CHDH: variants seen among roughly 807,000 people sequenced by gnomAD.
The protein encoded by CHDH is choline dehydrogenase.
CHDH carries 43 observed loss-of-function variants against 56.9 expected under a neutral mutation model. The observed-to-expected ratio is 0.76, with a 90% confidence interval of 0.59 to 0.97. The LOEUF (loss-of-function observed/expected upper bound fraction) is 0.97, where lower values mean the gene tolerates loss of function less well. Ranked by LOEUF, CHDH falls within the 50% of genes least tolerant of loss-of-function variation. CHDH has a pLI of 0.00. For missense variants in CHDH, 816 were observed against 821.1 expected, an observed-to-expected ratio of 0.99 and a Z score of 0.08; for synonymous variants, 364 against 348.5, an observed-to-expected ratio of 1.04 and a Z score of -0.50.
chr3:53,837,874 A>T (rs375159078), intron 2 of CHDH, among the ~76,000 whole-genome samples: 1 of 152,004 alleles, frequency 6.6e-6, no homozygotes, highest in Non-Finnish European at 1.5e-5. Flanking sequence ...CCTGGCCAAC[A>T]TGGCAAAACC....
intron 2 of CHDH, among the ~76,000 whole-genome samples, chr3:53,832,510 C>T (rs138971402): frequency 0.018 from 2,715 of 151,436 alleles, 107 homozygotes; most frequent in African/African-American, 0.064. Flanking sequence ...CCAGCCTGGG[C>T]GACAGAGCGA....
In CHDH at chr3:53,819,502, T is replaced by A; in HGVS notation, c.1263+30A>T. 2.5e-6 allele frequency: 4 copies of A among 1,580,422 alleles called. No homozygotes were observed. Among genetic ancestry groups the A allele is most frequent in the Non-Finnish European group, 1.7e-6 (2 of 1,163,588 alleles). Reference sequence around the variant, plus strand: ...CCTTCCTGGTGGGAAGGAGACATCCTGGGAAGCCGAGGCTCTTCCACCTGC... The same window carrying A: ...CCTTCCTGGTGGGAAGGAGACATCCAGGGAAGCCGAGGCTCTTCCACCTGC... On this transcript the variant is annotated intron_variant, in intron 7 of 8. Coordinates refer to ENST00000315251, the MANE Select transcript of CHDH (RefSeq NM_018397.5). This position sits in a 1 kb window ranked among gnomAD's most constrained non-coding sequence, Gnocchi z 5.4.
intron 2 of CHDH, among the ~76,000 whole-genome samples, chr3:53,838,996 T>C (rs1698591163): frequency 6.6e-6 from 1 of 152,102 alleles, no homozygotes; most frequent in African/African-American, 2.4e-5. Flanking sequence ...CTGCTACTAG[T>C]GCTGCCTCCT....
At chr3:53,842,015 G>A (rs1252951777) in intron 1 of CHDH, among the ~76,000 whole-genome samples, 1 of 151,738 alleles carries the variant, frequency 6.6e-6, no homozygotes, top group Non-Finnish European at 1.5e-5. Context: ...AATTAGTCAG[G>A]CATGGTGGTG....
intron 2 of CHDH, among the ~76,000 whole-genome samples, chr3:53,830,370 G>T (rs1211498215): frequency 6.6e-6 from 1 of 150,732 alleles, no homozygotes; most frequent in Admixed American, 6.6e-5. Context: ...CACACAAAAA[G>T]AATATTATAA....
rs1490222354 is a variant in CHDH, at chr3:53,812,761, C to CT, written c.*5015dup. The CT allele has an allele frequency of 6.6e-6, 1 of 152,224 alleles. No individual in the cohort carries two copies. The highest frequency in any genetic ancestry group is 6.5e-5 in the Admixed American group (1 of 15,284). The allele number at this position is 152,224 out of a possible 1,614,324, so 9.4% of individuals were successfully genotyped here. A position where few individuals can be genotyped will look rare whatever the true frequency, so the allele number is the denominator to read the frequency against. On this transcript the variant is annotated 3_prime_UTR_variant, in exon 9 of 9. Coordinates refer to ENST00000315251, the MANE Select transcript of CHDH (RefSeq NM_018397.5). Reference sequence around the variant, plus strand: ...TCTTGTCCTCTGGGGACTGGTGGTGCTGCTTAAGAAATAAGGGGTGCTGGG... The same window carrying CT: ...TCTTGTCCTCTGGGGACTGGTGGTGCTTGCTTAAGAAATAAGGGGTGCTGGG...
intron 4 of CHDH, 146 bp from the exon 5 acceptor site, chr3:53,821,922 A>C: frequency 1.9e-6 from 2 of 1,048,028 alleles, no homozygotes; most frequent in Admixed American, 2.7e-5. Context: ...CCCAGAGCTA[A>C]GGAGAGGAAA....
In CHDH at chr3:53,823,058, G is replaced by C. The variant is rs544682144; in HGVS notation, c.703+248C>G. ...TCTCTGTCCAGAGAGCTGATTCTCT[G>C]TTATCCACACCAACAGGGGCCAGAG... On this transcript the variant is annotated intron_variant, in intron 3 of 8. Coordinates refer to ENST00000315251, the MANE Select transcript of CHDH (RefSeq NM_018397.5). Among the ~76,000 whole-genome samples the C allele has an allele frequency of 1.6e-4, 24 of 152,270 alleles. No individual in the cohort carries two copies. The East Asian group carries it at 4.5e-3, about 28-fold the overall frequency.
In CHDH at chr3:53,824,004, C is replaced by G; in HGVS notation, c.5G>C (p.Trp2Ser). 12 of 1,476,030 alleles carry G rather than the reference C, an allele frequency of 8.1e-6. No homozygotes were observed. The highest frequency in any genetic ancestry group is 1.1e-5 in the Non-Finnish European group (12 of 1,123,480). The allele number at this position is 1,476,030 out of a possible 1,614,324, so 91.4% of individuals were successfully genotyped here. A position where few individuals can be genotyped will look rare whatever the true frequency, so the allele number is the denominator to read the frequency against. M[W>S]CLLRGLGRPG... is the part of the protein sequence containing the mutation. The stretch of plus-strand genomic sequence containing the variant: ...CCGGCCCAGGCCTCGTAGGAGACAC[C>G]ACATGCTTCTATCTAGTCCAAGTCC... Residue 2 changes from tryptophan to serine, a missense_variant, in exon 3 of 9, where the codon TGG (tryptophan) becomes TCG (serine). Physicochemically the swap from Trp to Ser is radical, Grantham distance 177. Transcript: ENST00000315251.
intron 1 of CHDH, among the ~76,000 whole-genome samples, chr3:53,842,505 T>C (rs933592639): frequency 6.6e-6 from 1 of 152,136 alleles, no homozygotes; most frequent in Admixed American, 6.5e-5. Context: ...TCCGAGGCTT[T>C]CTTTGAGACC....
chr3:53,824,013 C>T lies in CHDH; in HGVS notation c.-5G>A. Reference sequence around the variant, plus strand: ...GCCTCGTAGGAGACACCACATGCTTCTATCTAGTCCAAGTCCTCTGATCCA... The same window carrying T: ...GCCTCGTAGGAGACACCACATGCTTTTATCTAGTCCAAGTCCTCTGATCCA... On this transcript the variant is annotated 5_prime_UTR_variant, in exon 3 of 9. Coordinates refer to ENST00000315251, the MANE Select transcript of CHDH (RefSeq NM_018397.5). 1.2e-5 allele frequency: 18 copies of T among 1,453,002 alleles called. No homozygotes were observed. Among genetic ancestry groups the T allele is most frequent in the Non-Finnish European group, 1.6e-5 (18 of 1,111,212 alleles). 90.0% of individuals were successfully genotyped at this position (1,453,002 alleles called of 1,614,324 possible).
rs768164442 is a variant in CHDH, at chr3:53,821,735, G to C, written c.897C>G (p.Ile299Met). 1.2e-6 allele frequency: 2 copies of C among 1,613,926 alleles called. No homozygotes were observed. Among genetic ancestry groups the C allele is most frequent in the Non-Finnish European group, 1.7e-6 (2 of 1,179,966 alleles). The change falls in exon 5 of 9, where the codon ATC becomes ATG. Residue 299 changes from isoleucine (I) to methionine (M), a missense_variant. Coordinates refer to ENST00000315251, the MANE Select transcript of CHDH (RefSeq NM_018397.5). The stretch of plus-strand genomic sequence containing the variant: ...AGAGCATGAGCAGCTGTGGAGAGTT[G>C]ATGGCACCTCCACTCAGAATCACCT... ...SKEVILSGGA[I>M]NSPQLLMLSG...
intron 5 of CHDH, among the ~76,000 whole-genome samples, chr3:53,820,891 CTG>C (rs2095624979): frequency 6.6e-6 from 1 of 152,244 alleles, no homozygotes; most frequent in Non-Finnish European, 1.5e-5. Flanking sequence ...GCAGCCCCCT[CTG>C]TGAGGGCAGG....
At position 53,818,155 on chromosome 3, in the gene CHDH, G is replaced by A; in HGVS notation, c.1407C>T (p.Thr469=). Residue 469 remains threonine, a synonymous_variant, in exon 9 of 9, where the codon ACC becomes ACT. Coordinates refer to ENST00000315251, the MANE Select transcript of CHDH (RefSeq NM_018397.5). ...IEDFRLCVKL[T]REIFAQEALA... ...GGGCTTCCTGTGCAAAAATTTCTCTGGTGAGCTTCACACACAGACGGAAAT... is the reference window on the plus strand; with the variant it reads ...GGGCTTCCTGTGCAAAAATTTCTCTAGTGAGCTTCACACACAGACGGAAAT... 6.2e-7 allele frequency: 1 copy of A among 1,613,112 alleles called. No individual in the cohort carries two copies. The highest frequency in any genetic ancestry group is 8.5e-7 in the Non-Finnish European group (1 of 1,179,708).
rs888547015 is a variant in CHDH at position 53,817,726 on chromosome 3, C to A, written c.*51G>T. On this transcript the variant is annotated 3_prime_UTR_variant, in exon 9 of 9. Coordinates refer to ENST00000315251, the MANE Select transcript of CHDH (RefSeq NM_018397.5). ...GCCTGGGAGCAAGGGCTGTGCTGGCCCTCTTGGCTTATCAGGGGGCTTCCC... is the reference window on the plus strand; with the variant it reads ...GCCTGGGAGCAAGGGCTGTGCTGGCACTCTTGGCTTATCAGGGGGCTTCCC... The A allele has an allele frequency of 3.3e-6, 5 of 1,501,614 alleles. No homozygotes were observed. In the African/African-American group the frequency reaches 6.9e-5, roughly 21 times the overall value. 93.0% of individuals were successfully genotyped at this position (1,501,614 alleles called of 1,614,324 possible).
At chr3:53,825,565 A>G (rs187155388) in intron 2 of CHDH, among the ~76,000 whole-genome samples, 373 of 152,336 alleles carry the variant, frequency 2.4e-3, no homozygotes, top group African/African-American at 8.3e-3. Flanking sequence ...CTGGGACAAT[A>G]TCAAACTAAA....
Position 53,843,188 on chromosome 3 carries a change from CT to C in CHDH, c.-130-2190del, listed in dbSNP as rs10636132. 6.8e-3 allele frequency among the ~76,000 whole-genome samples: 854 copies of C among 125,172 alleles called. 1 individual carries two copies. Among genetic ancestry groups the C allele is most frequent in the Non-Finnish European group, 8.0e-3 (497 of 61,988 alleles). The allele number at this position is 125,172 out of a possible 152,430, so 82.1% of individuals were successfully genotyped here. A position where few individuals can be genotyped will look rare whatever the true frequency, so the allele number is the denominator to read the frequency against. ...GGTCCTAGGGAATTTCCCCCCCCAC[CT>C]TTTTTTTTTTTTTTTGGTTCTGCCT... On this transcript the variant is annotated intron_variant, in intron 1 of 8. Coordinates refer to ENST00000315251, the MANE Select transcript of CHDH (RefSeq NM_018397.5).
Position 53,816,851 on chromosome 3 carries a change from T to C in CHDH, c.*926A>G, listed in dbSNP as rs1334236974. The stretch of plus-strand genomic sequence containing the variant: ...CAAAAAAATCTCAGGTTTTTTTTTT[T>C]TTTTTTTTTTTTGAGACAGGGTCTC... On this transcript the variant is annotated 3_prime_UTR_variant, in exon 9 of 9. Transcript: ENST00000315251. 3 of 149,314 alleles carry C rather than the reference T, an allele frequency of 2.0e-5. No homozygotes were observed. The highest frequency in any genetic ancestry group is 6.6e-5 in the Admixed American group (1 of 15,044). The allele number at this position is 149,314 out of a possible 1,614,324, so 9.2% of individuals were successfully genotyped here.
chr3:53,821,509 G>T, intron 5 of CHDH, 138 bp downstream of exon 5: 1 of 740,186 alleles, frequency 1.4e-6, no homozygotes, highest in East Asian at 2.5e-5. Flanking sequence ...GGAAACCTTC[G>T]GGCTCTCGGG....
Sources: allele counts gnomAD v4.1 joint callset (sites outside exome capture counted in the v4.1 genomes callset), GRCh38; gene constraint gnomAD v4.1.1; non-coding constraint Gnocchi (gnomAD v3.1); transcripts MANE v1.5; gene names NCBI Gene and HGNC (gene_info 2026-07-23, HGNC 2026-07-21).